Variants in PHF1 observed in about 807,000 individuals in gnomAD.
The protein encoded by PHF1 is polycomb-like 1.
PHF1 carries 16 observed loss-of-function variants against 69.4 expected under a neutral mutation model. That is an observed-to-expected ratio of 0.23 (90% CI 0.16 to 0.35). The LOEUF (loss-of-function observed/expected upper bound fraction) is 0.35, where lower values mean the gene tolerates loss of function less well. Ranked by LOEUF, PHF1 falls within the 10% of genes least tolerant of loss-of-function variation. The pLI, the probability that PHF1 is intolerant of heterozygous loss-of-function variation, is 1.00. For synonymous variants in PHF1, 274 were observed against 275.0 expected, an observed-to-expected ratio of 1.00 and a Z score of 0.04; for missense variants, 515 against 732.8, an observed-to-expected ratio of 0.70 and a Z score of 3.43.
rs760717298 is a variant in PHF1, at chr6:33,415,107, A to AGCAGAGGGAGCGGGCTCATCT, written c.1211_1231dup (p.Glu404_Arg410dup). ...GTGCGCAATCAGCCCGAGCCCCAGG[A>AGCAGAGGGAGCGGGCTCATCT]GCAGAGGGAGCGGGCTCATCTGCAG... is the stretch of plus-strand genomic sequence containing the variant. On this transcript the variant is annotated inframe_insertion, in exon 12 of 15. Coordinates refer to ENST00000374516, the MANE Select transcript of PHF1 (RefSeq NM_024165.3). The AGCAGAGGGAGCGGGCTCATCT allele has an allele frequency of 6.2e-7, 1 of 1,613,526 alleles. No homozygotes were observed. The highest frequency in any genetic ancestry group is 1.7e-5 in the Admixed American group (1 of 59,982).
chr6:33,414,575 A>C lies in PHF1; in HGVS notation c.944+31A>C, dbSNP rs1261869006. 1 of 1,608,126 alleles carries C rather than the reference A, an allele frequency of 6.2e-7. No individual in the cohort carries two copies. Among genetic ancestry groups the C allele is most frequent in the Non-Finnish European group, 8.5e-7 (1 of 1,174,716 alleles). On this transcript the variant is annotated intron_variant, in intron 10 of 14. Coordinates refer to ENST00000374516, the MANE Select transcript of PHF1 (RefSeq NM_024165.3). The surrounding 1 kb of genome is among the most constrained non-coding windows in gnomAD (Gnocchi z 5.0). ...TTGGAGGGAAGAGGAGGCAAGGATG[A>C]GGCTCGGAAAGAGATGGAGAGTGGA...
rs994237741 is a variant in PHF1, at chr6:33,414,098, A to G, written c.741A>G (p.Leu247=). 34 of 1,614,026 alleles carry G rather than the reference A, an allele frequency of 2.1e-5. No homozygotes were observed. Among genetic ancestry groups the G allele is most frequent in the Non-Finnish European group, 2.7e-5 (32 of 1,180,034 alleles). ...GGGGCCCTGAGAAAGTCCGGAGACT[A>G]CAGCTTCGCTGGTGAGCTGGATTGG... The part of the protein sequence containing the change: ...CRGGPEKVRR[L]QLRWVDVAHL... Residue 247 remains leucine, a synonymous_variant, in exon 8 of 15, where the codon CTA becomes CTG. Transcript: ENST00000374516. This position sits in a 1 kb window ranked among gnomAD's most constrained non-coding sequence, Gnocchi z 5.0.
In PHF1 at chr6:33,416,285, A is replaced by T; in HGVS notation, c.*187A>T. ...TCTCTACCCTCCTTCATGATTCCTG[A>T]CCCCTCCCATCCTTCCCATTTCCTT... is the stretch of plus-strand genomic sequence containing the variant. On this transcript the variant is annotated 3_prime_UTR_variant, in exon 15 of 15. Transcript: ENST00000374516. 1 of 495,590 alleles carries T rather than the reference A, an allele frequency of 2.0e-6. No individual in the cohort carries two copies. The highest frequency in any genetic ancestry group is 4.2e-5 in the South Asian group (1 of 24,078). 30.7% of individuals were successfully genotyped at this position (495,590 alleles called of 1,614,324 possible). A position where few individuals can be genotyped will look rare whatever the true frequency, so the allele number is the denominator to read the frequency against.
chr6:33,412,177 A>AAG lies in PHF1; in HGVS notation c.-16-70_-16-69insGA. On this transcript the variant is annotated intron_variant, in intron 1 of 14. Coordinates refer to ENST00000374516, the MANE Select transcript of PHF1 (RefSeq NM_024165.3). This position sits in a 1 kb window ranked among gnomAD's most constrained non-coding sequence, Gnocchi z 4.2. The stretch of plus-strand genomic sequence containing the variant: ...ACTCCATCTCAGGAAAAAAAAAAAA[A>AAG]AAAGAAAAAGAAAATGGGGAAGGTT... 8.4e-7 allele frequency: 1 copy of AAG among 1,196,722 alleles called. No homozygotes were observed. Among genetic ancestry groups the AAG allele is most frequent in the Non-Finnish European group, 1.2e-6 (1 of 849,808 alleles). The allele number at this position is 1,196,722 out of a possible 1,614,324, so 74.1% of individuals were successfully genotyped here. A position where few individuals can be genotyped will look rare whatever the true frequency, so the allele number is the denominator to read the frequency against.
chr6:33,413,029 G>A lies in PHF1; in HGVS notation c.338-167G>A, dbSNP rs1697673880. 4 of 737,058 alleles carry A rather than the reference G, an allele frequency of 5.4e-6. No individual in the cohort carries two copies. In the Admixed American group the frequency reaches 8.6e-5, roughly 16 times the overall value. 45.7% of individuals were successfully genotyped at this position (737,058 alleles called of 1,614,324 possible). A position where few individuals can be genotyped will look rare whatever the true frequency, so the allele number is the denominator to read the frequency against. The stretch of plus-strand genomic sequence containing the variant: ...TTTCTAACCATATGACCTCGGACAA[G>A]TCCCTTAACCTCTAGGAGCCTCAGT... On this transcript the variant is annotated intron_variant, in intron 4 of 14. Transcript: ENST00000374516.
rs1776278578 is a variant in PHF1 at position 33,414,236 on chromosome 6, T to C, written c.753-7T>C. On this transcript the variant is annotated splice_region_variant and splice_polypyrimidine_tract_variant and intron_variant, in intron 8 of 14. Transcript: ENST00000374516. This position sits in a 1 kb window ranked among gnomAD's most constrained non-coding sequence, Gnocchi z 5.0. ...CCTCTGTGGTCTTGAAAACTTTGTTTTTCCAGGGTGGATGTGGCCCATCTT... is the reference window on the plus strand; with the variant it reads ...CCTCTGTGGTCTTGAAAACTTTGTTCTTCCAGGGTGGATGTGGCCCATCTT... The C allele has an allele frequency of 6.2e-7, 1 of 1,613,978 alleles. No individual in the cohort carries two copies. Among genetic ancestry groups the C allele is most frequent in the African/African-American group, 1.3e-5 (1 of 74,896 alleles).
Position 33,412,933 on chromosome 6 carries a change from G to A in PHF1, c.337+140G>A. On this transcript the variant is annotated intron_variant, in intron 4 of 14. Coordinates refer to ENST00000374516, the MANE Select transcript of PHF1 (RefSeq NM_024165.3). This position sits in a 1 kb window ranked among gnomAD's most constrained non-coding sequence, Gnocchi z 4.2. ...TTATCTTAGTCCTCATCCGCTTTCAGCCCAGGGAGAAGCAGCCATGGAAAG... is the reference window on the plus strand; with the variant it reads ...TTATCTTAGTCCTCATCCGCTTTCAACCCAGGGAGAAGCAGCCATGGAAAG... 1.3e-6 allele frequency: 1 copy of A among 763,896 alleles called. No homozygotes were observed. The highest frequency in any genetic ancestry group is 2.2e-6 in the Non-Finnish European group (1 of 452,910). 47.3% of individuals were successfully genotyped at this position (763,896 alleles called of 1,614,324 possible).
chr6:33,414,639 C>G lies in PHF1; in HGVS notation c.945-86C>G. Reference sequence around the variant, plus strand: ...AGGGGCTTGCAACCCACCTGGAAGACTGTGACTGAAAAGGATTGAGGAATG... The same window carrying G: ...AGGGGCTTGCAACCCACCTGGAAGAGTGTGACTGAAAAGGATTGAGGAATG... On this transcript the variant is annotated intron_variant, in intron 10 of 14. Coordinates refer to ENST00000374516, the MANE Select transcript of PHF1 (RefSeq NM_024165.3). The surrounding 1 kb of genome is among the most constrained non-coding windows in gnomAD (Gnocchi z 5.0). 2 of 1,540,350 alleles carry G rather than the reference C, an allele frequency of 1.3e-6. No homozygotes were observed. Among genetic ancestry groups the G allele is most frequent in the Non-Finnish European group, 1.8e-6 (2 of 1,114,656 alleles).
chr6:33,412,272 GC>G lies in PHF1; in HGVS notation c.16del (p.Arg6GlyfsTer2). The G allele has an allele frequency of 6.2e-7, 1 of 1,612,952 alleles. No individual in the cohort carries two copies. Among genetic ancestry groups the G allele is most frequent in the Non-Finnish European group, 8.5e-7 (1 of 1,179,664 alleles). Reference protein sequence around the residue: MAQPPRLSRSGASS... With the variant: MAQXPRLSRSGASS... ...GGCCCCCCCAGGATGCAATGGCGCA[GC>G]CCCCCCGGCTGAGCCGCTCTGGTGC... On this transcript the variant is annotated frameshift_variant, in exon 2 of 15. Coordinates refer to ENST00000374516, the MANE Select transcript of PHF1 (RefSeq NM_024165.3). LOFTEE classifies it high-confidence loss of function. This position sits in a 1 kb window ranked among gnomAD's most constrained non-coding sequence, Gnocchi z 4.2.
At position 33,416,072 on chromosome 6, in the gene PHF1, G is replaced by C; in HGVS notation, c.1678G>C (p.Glu560Gln). 6.4e-7 allele frequency: 1 copy of C among 1,556,246 alleles called. No individual in the cohort carries two copies. The highest frequency in any genetic ancestry group is 8.7e-7 in the Non-Finnish European group (1 of 1,149,454). The part of the protein sequence containing the change: ...RPDGSVQYLV[E>Q]WGGGGIF ...TGATGGCTCTGTGCAGTACCTGGTT[G>C]AGTGGGGAGGAGGGGGCATCTTCTG... The change falls in exon 15 of 15, where the codon GAG (glutamate) becomes CAG (glutamine). Residue 560 changes from glutamate (E) to glutamine (Q), a missense_variant. Transcript: ENST00000374516.
Position 33,412,126 on chromosome 6 carries a change from C to T in PHF1, c.-16-122C>T, listed in dbSNP as rs113133874. The T allele has an allele frequency of 0.11, 82,810 of 728,020 alleles. 5,613 individuals carry two copies. The highest frequency in any genetic ancestry group is 0.17 in the Middle Eastern group (421 of 2,500). 45.1% of individuals were successfully genotyped at this position (728,020 alleles called of 1,614,324 possible). On this transcript the variant is annotated intron_variant, in intron 1 of 14. Coordinates refer to ENST00000374516, the MANE Select transcript of PHF1 (RefSeq NM_024165.3). This position sits in a 1 kb window ranked among gnomAD's most constrained non-coding sequence, Gnocchi z 4.2. ...GCAGTGAGCCAAGATTGTGCCACTG[C>T]ACTCTGGCCTGGGCGACAGAGCAAA... is the stretch of plus-strand genomic sequence containing the variant.
rs747733929 is a variant in PHF1, at chr6:33,414,143, C to G, written c.752+34C>G. The stretch of plus-strand genomic sequence containing the variant: ...GATTGGGCATGACCTCAGTGTAACT[C>G]CACACCACAGTATTTCACTCTATAT... On this transcript the variant is annotated intron_variant, in intron 8 of 14. Coordinates refer to ENST00000374516, the MANE Select transcript of PHF1 (RefSeq NM_024165.3). The surrounding 1 kb of genome is among the most constrained non-coding windows in gnomAD (Gnocchi z 5.0). The G allele has an allele frequency of 6.2e-7, 1 of 1,613,888 alleles. No homozygotes were observed. The highest frequency in any genetic ancestry group is 8.5e-7 in the Non-Finnish European group (1 of 1,179,804).
At chr6:33,413,322 C>G (rs773725188) in intron 5 of PHF1, 26 bp downstream of exon 5, 1 of 1,610,954 alleles carries the variant, frequency 6.2e-7, no homozygotes, top group Non-Finnish European at 8.5e-7. Flanking sequence ...TGTTACCCTT[C>G]CTGTGGGAGC....
upstream of PHF1, chr6:33,410,544 CG>C (rs914900368): frequency 2.3e-4 from 2 of 8,858 alleles, no homozygotes; most frequent in Non-Finnish European, 3.8e-4. Flanking sequence ...CGCAAAAGGG[CG>C]GTGGGTGGGG....
upstream of PHF1, chr6:33,410,587 G>GC (rs1775944834): frequency 6.6e-6 from 1 of 151,234 alleles, no homozygotes; most frequent in Non-Finnish European, 1.5e-5. Flanking sequence ...CGGGGCGCGC[G>GC]AGGGAGGAGG....
chr6:33,416,294 A>G lies in PHF1; in HGVS notation c.*196A>G, dbSNP rs574314174. Reference sequence around the variant, plus strand: ...TCCTTCATGATTCCTGACCCCTCCCATCCTTCCCATTTCCTTTGATGTTAT... The same window carrying G: ...TCCTTCATGATTCCTGACCCCTCCCGTCCTTCCCATTTCCTTTGATGTTAT... On this transcript the variant is annotated 3_prime_UTR_variant, in exon 15 of 15. Coordinates refer to ENST00000374516, the MANE Select transcript of PHF1 (RefSeq NM_024165.3). 1 of 489,528 alleles carries G rather than the reference A, an allele frequency of 2.0e-6. No homozygotes were observed. The highest frequency in any genetic ancestry group is 1.9e-5 in the African/African-American group (1 of 51,466). 30.3% of individuals were successfully genotyped at this position (489,528 alleles called of 1,614,324 possible).
rs369871473 is a variant in PHF1 at position 33,416,009 on chromosome 6, G to C, written c.1615G>C (p.Gly539Arg). Residue 539 changes from glycine (G) to arginine (R), a missense_variant, in exon 15 of 15, where the codon GGG becomes CGG. Gly to Arg is a moderately radical substitution (Grantham distance 125, BLOSUM62 -2). Around this residue, in one of 5 missense-constraint regions of PHF1, gnomAD observed 274 missense variants for 304.5 expected, o/e 0.90. Transcript: ENST00000374516. ...VRGGVGYLSR[G>R]DPVRVLARRV... is the part of the protein sequence containing the mutation. The stretch of plus-strand genomic sequence containing the variant: ...AGGTGGGGTTGGTTACCTGTCCCGA[G>C]GGGACCCTGTCCGGGTCCTTGCTCG... 3.1e-6 allele frequency: 5 copies of C among 1,613,606 alleles called. No homozygotes were observed. Among genetic ancestry groups the C allele is most frequent in the Non-Finnish European group, 4.2e-6 (5 of 1,179,754 alleles).
At position 33,412,341 on chromosome 6, in the gene PHF1, C is replaced by T; in HGVS notation, c.78C>T (p.Gly26=). 6.2e-7 allele frequency: 1 copy of T among 1,614,224 alleles called. No individual in the cohort carries two copies. Among genetic ancestry groups the T allele is most frequent in the South Asian group, 1.1e-5 (1 of 91,082 alleles). The change falls in exon 2 of 15, where the codon GGC becomes GGT. Residue 26 remains glycine, a synonymous_variant. Coordinates refer to ENST00000374516, the MANE Select transcript of PHF1 (RefSeq NM_024165.3). This position sits in a 1 kb window ranked among gnomAD's most constrained non-coding sequence, Gnocchi z 4.2. ...CAGCTTCTCCTGCTCCCACCTCTGG[C>T]CCCAGGCCTCGGCTTTGGGAGGGTC... ...WDPASPAPTS[G]PRPRLWEGQD...
chr6:33,413,860 C>T, intron 7 of PHF1, 29 bp downstream of exon 7: 1 of 1,590,612 alleles, frequency 6.3e-7, no homozygotes, highest in Non-Finnish European at 8.6e-7. Context: ...CTCTAGGAGC[C>T]AAGGATGCCC....
Sources: allele counts gnomAD v4.1 joint callset, GRCh38; gene constraint gnomAD v4.1.1; regional missense constraint gnomAD v4.1.1; non-coding constraint Gnocchi (gnomAD v3.1); transcripts MANE v1.5; gene names NCBI Gene and HGNC (gene_info 2026-07-23, HGNC 2026-07-21).